Variants in CADM2 observed in about 807,000 individuals in gnomAD.
CADM2 encodes the protein cell adhesion molecule 2, also known as immunoglobulin superfamily member 4D.
In CADM2, 12 loss-of-function variants were observed where a neutral mutation model predicts 49.8. That is an observed-to-expected ratio of 0.24 (90% CI 0.15 to 0.39). The LOEUF is 0.39. Ranked by LOEUF, CADM2 falls within the 10% of genes least tolerant of loss-of-function variation. The pLI is 1.00. For missense variants in CADM2, 378 were observed against 492.3 expected (o/e 0.77, Z 2.20); for synonymous variants, 214 against 175.4 (o/e 1.22, Z -1.74).
At chr3:85,346,448 C>A (rs1045730713) in intron 1 of CADM2, among the ~76,000 whole-genome samples, 2 of 152,056 alleles carry the variant, frequency 1.3e-5, no homozygotes, top group African/African-American at 2.4e-5. Context: ...TCAAAAAAAT[C>A]TTTAATAGCA....
At chr3:86,006,459 G>A (rs12107352) in intron 8 of CADM2, among the ~76,000 whole-genome samples, 131 of 152,312 alleles carry the variant, frequency 8.6e-4, no homozygotes, top group African/African-American at 2.5e-3. Context: ...GTGTGGAGCA[G>A]CACTCAACCT....
At chr3:85,513,555 C>T (rs2060823557) in intron 1 of CADM2, among the ~76,000 whole-genome samples, 1 of 151,426 alleles carries the variant, frequency 6.6e-6, no homozygotes. Flanking sequence ...AAATGTAAAC[C>T]AAAGAAATAA....
chr3:85,483,971 T>C (rs2039317016), intron 1 of CADM2, among the ~76,000 whole-genome samples: 1 of 151,826 alleles, frequency 6.6e-6, no homozygotes, highest in South Asian at 2.1e-4. Flanking sequence ...TAGGTCCTAC[T>C]ATTTTTGCTT....
At chr3:85,249,032 A>G (rs564153080) in intron 1 of CADM2, among the ~76,000 whole-genome samples, 3 of 152,240 alleles carry the variant, frequency 2.0e-5, no homozygotes, top group Non-Finnish European at 4.4e-5. Flanking sequence ...GGCTTCAAGA[A>G]ATTTTTTTGT....
chr3:85,078,758 A>G (rs911913610), intron 1 of CADM2, among the ~76,000 whole-genome samples: 17 of 151,704 alleles, frequency 1.1e-4, no homozygotes, highest in African/African-American at 4.1e-4. Context: ...CCCATTGAGC[A>G]TGTTCAAGTA....
At chr3:85,342,702 A>G (rs571230364) in intron 1 of CADM2, among the ~76,000 whole-genome samples, 1 of 152,192 alleles carries the variant, frequency 6.6e-6, no homozygotes, top group South Asian at 2.1e-4. Flanking sequence ...CTTTTTCAGA[A>G]GAGTTATCTG....
intron 1 of CADM2, among the ~76,000 whole-genome samples, chr3:85,075,337 T>C (rs2036905031): frequency 6.6e-6 from 1 of 151,964 alleles, no homozygotes; most frequent in Non-Finnish European, 1.5e-5. Flanking sequence ...CTTCTGTAAA[T>C]AGTTGAGGTC....
rs10663610 is a variant in CADM2 at position 86,066,332 on chromosome 3, C to CAAAAAAAAAAAAAAAAA, written c.1097-323_1097-307dup. Among the ~76,000 whole-genome samples the CAAAAAAAAAAAAAAAAA allele has an allele frequency of 4.6e-3, 139 of 30,350 alleles. 20 individuals are homozygous for CAAAAAAAAAAAAAAAAA. Among genetic ancestry groups the CAAAAAAAAAAAAAAAAA allele is most frequent in the African/African-American group, 0.01 (49 of 4,676 alleles). 19.9% of individuals were successfully genotyped at this position (30,350 alleles called of 152,430 possible). A position where few individuals can be genotyped will look rare whatever the true frequency, so the allele number is the denominator to read the frequency against. On this transcript the variant is annotated intron_variant, in intron 9 of 9. Transcript: ENST00000383699. Reference sequence around the variant, plus strand: ...TGGGCGAGAGAGCGAGACTCCGTCTCAAAAAAAAAAAAAAAAAAAAAAAAA... The same window carrying CAAAAAAAAAAAAAAAAA: ...TGGGCGAGAGAGCGAGACTCCGTCTCAAAAAAAAAAAAAAAAAAAAAAAAAAAAAAAAAAAAAAAAAA...
intron 1 of CADM2, among the ~76,000 whole-genome samples, chr3:85,172,716 A>G (rs1450958677): frequency 2.0e-5 from 3 of 151,680 alleles, no homozygotes; most frequent in Non-Finnish European, 2.9e-5. Flanking sequence ...GATTTAAGTG[A>G]TGGTCTGATC....
intron 1 of CADM2, among the ~76,000 whole-genome samples, chr3:85,526,053 G>T (rs1374044796): frequency 6.6e-6 from 1 of 151,932 alleles, no homozygotes; most frequent in Admixed American, 6.6e-5. Flanking sequence ...CTGACACCCT[G>T]TTCTAAGAAC....
At chr3:85,449,293 G>A (rs772716814) in intron 1 of CADM2, among the ~76,000 whole-genome samples, 6 of 151,670 alleles carry the variant, frequency 4.0e-5, no homozygotes, top group Admixed American at 6.6e-5. Flanking sequence ...TCTAGATGAA[G>A]ATTTTGTTAT....
chr3:85,105,577 A>G (rs1181645705), intron 1 of CADM2, among the ~76,000 whole-genome samples: 1 of 152,216 alleles, frequency 6.6e-6, no homozygotes, highest in African/African-American at 2.4e-5. Flanking sequence ...CATTTGACCC[A>G]GCCATCCCAT....
At chr3:85,664,253 T>C (rs1334904342) in intron 1 of CADM2, among the ~76,000 whole-genome samples, 3 of 151,980 alleles carry the variant, frequency 2.0e-5, no homozygotes, top group African/African-American at 4.8e-5. Flanking sequence ...CTTATATCTA[T>C]AGTATGAACC....
intron 1 of CADM2, among the ~76,000 whole-genome samples, chr3:85,586,876 A>T (rs2062960130): frequency 6.6e-6 from 1 of 152,060 alleles, no homozygotes; most frequent in African/African-American, 2.4e-5. Flanking sequence ...AGTAGGCCTA[A>T]TGTTTTTCCA....
At chr3:85,934,857 G>A (rs1721008543) in intron 6 of CADM2, among the ~76,000 whole-genome samples, 1 of 152,108 alleles carries the variant, frequency 6.6e-6, no homozygotes, top group South Asian at 2.1e-4. Context: ...ATCTTCTGGA[G>A]AGTTCAGAGC....
At chr3:85,235,594 T>C (rs2042390596) in intron 1 of CADM2, among the ~76,000 whole-genome samples, 1 of 152,144 alleles carries the variant, frequency 6.6e-6, no homozygotes, top group South Asian at 2.1e-4. Context: ...ATAGACATTG[T>C]TTTGTTAATC....
intron 1 of CADM2, among the ~76,000 whole-genome samples, chr3:85,167,971 G>C (rs988273367): frequency 1.4e-4 from 21 of 152,128 alleles, no homozygotes; most frequent in East Asian, 9.7e-4. Flanking sequence ...GCATCCTAGA[G>C]CTTCGGGCCT....
At chr3:85,930,296 A>AT (rs1720425368) in intron 6 of CADM2, among the ~76,000 whole-genome samples, 1 of 152,120 alleles carries the variant, frequency 6.6e-6, no homozygotes, top group Non-Finnish European at 1.5e-5. Flanking sequence ...CATTTAAAAA[A>AT]TTTTTCTTTT....
chr3:85,298,093 G>A (rs1439673427), intron 1 of CADM2, among the ~76,000 whole-genome samples: 2 of 151,996 alleles, frequency 1.3e-5, no homozygotes, highest in African/African-American at 2.4e-5. Flanking sequence ...TCCTACATCC[G>A]TGTTTGCTGT....
Sources: gnomAD v4.1 joint callset for allele counts (sites outside exome capture counted in the v4.1 genomes callset) on GRCh38, gnomAD v4.1.1 for gene constraint, MANE v1.5 for transcripts, NCBI Gene and HGNC (gene_info 2026-07-23, HGNC 2026-07-21) for gene names.